HIP1: variants seen among roughly 807,000 people sequenced by gnomAD.
HIP1 encodes the protein huntingtin-interacting protein 1.
HIP1 carries 65 observed loss-of-function variants against 147.6 expected under a neutral mutation model. The ratio of observed to expected loss-of-function variants is 0.44; its 90% CI spans 0.36 to 0.54. HIP1 has a LOEUF of 0.54. Among genes scored for constraint, HIP1 ranks in the 20% least tolerant of loss-of-function variants. HIP1 has a pLI of 0.00. For missense variants in HIP1, 1,061 were observed against 1,299.6 expected, an observed-to-expected ratio of 0.82 and a Z score of 2.82; for synonymous variants, 479 against 504.0, an observed-to-expected ratio of 0.95 and a Z score of 0.67.
chr7:75,547,796 G>T lies in HIP1; in HGVS notation c.2424C>A (p.Ser808=), dbSNP rs1554491308. 6.2e-7 allele frequency: 1 copy of T among 1,613,738 alleles called. No homozygotes were observed. ...ATTTGACTCCTGTGTCTCCTGCTCG[G>T]GATTTGCTGAGCATCTCCTGTGAAA... The part of the protein sequence containing the change: ...TARIEEMLSK[S]RAGDTGVKLE... Residue 808 remains serine (S), a synonymous_variant, in exon 24 of 31, where the codon TCC becomes TCA. Transcript: ENST00000336926.
intron 1 of HIP1, among the ~76,000 whole-genome samples, chr7:75,671,110 T>G (rs1418869684): frequency 6.6e-6 from 1 of 152,166 alleles, no homozygotes; most frequent in East Asian, 1.9e-4. Flanking sequence ...TATGTTATTT[T>G]TAGATGGAGT....
At chr7:75,666,035 C>T (rs1458962155) in intron 1 of HIP1, among the ~76,000 whole-genome samples, 11 of 152,160 alleles carry the variant, frequency 7.2e-5, no homozygotes, top group Middle Eastern at 3.4e-3. Flanking sequence ...CCCACACAGA[C>T]GATATGCTTG....
chr7:75,663,963 TATATATATACACATATATGTG>T lies in HIP1; in HGVS notation c.121-64737_121-64717del, dbSNP rs1554514006. Among the ~76,000 whole-genome samples, 12 of 26,876 alleles carry T rather than the reference TATATATATACACATATATGTG, an allele frequency of 4.5e-4. 2 individuals carry two copies. The East Asian group carries it at 0.014, about 32-fold the overall frequency. The allele number at this position is 26,876 out of a possible 152,430, so 17.6% of individuals were successfully genotyped here. ...ATATATATATACACATATATGTGTA[TATATATATACACATATATGTG>T]TATATATATACACATATATGTGTAT... On this transcript the variant is annotated intron_variant, in intron 1 of 30. Coordinates refer to ENST00000336926, the MANE Select transcript of HIP1 (RefSeq NM_005338.7).
chr7:75,678,107 T>A (rs1799955336), intron 1 of HIP1, among the ~76,000 whole-genome samples: 1 of 152,172 alleles, frequency 6.6e-6, no homozygotes, highest in African/African-American at 2.4e-5. Flanking sequence ...TCTATGAGGA[T>A]GGACTCATTC....
chr7:75,576,252 G>A (rs1464590895), intron 7 of HIP1, among the ~76,000 whole-genome samples: 2 of 152,206 alleles, frequency 1.3e-5, no homozygotes, highest in African/African-American at 4.8e-5. Flanking sequence ...AGAATGCTGG[G>A]AAAAGTGCAT....
intron 7 of HIP1, among the ~76,000 whole-genome samples, chr7:75,579,889 A>AAT (rs1554498284): frequency 1.3e-5 from 2 of 152,106 alleles, no homozygotes; most frequent in African/African-American, 2.4e-5. Context: ...GTTGTCTTTC[A>AAT]GAGTTGGATG....
chr7:75,653,962 C>G (rs1443640128), intron 1 of HIP1, among the ~76,000 whole-genome samples: 1 of 152,188 alleles, frequency 6.6e-6, no homozygotes, highest in Non-Finnish European at 1.5e-5. Context: ...CACACAAGGT[C>G]TCTGCAGTCT....
intron 1 of HIP1, among the ~76,000 whole-genome samples, chr7:75,713,210 G>C (rs1027313333): frequency 1.3e-5 from 2 of 152,202 alleles, no homozygotes; most frequent in Admixed American, 6.5e-5. Flanking sequence ...GCTGTGGGCA[G>C]AAGAAACAGC....
Position 75,556,126 on chromosome 7 carries a change from T to G in HIP1, c.1727A>C (p.Glu576Ala), listed in dbSNP as rs1794995931. 3 of 1,614,016 alleles carry G rather than the reference T, an allele frequency of 1.9e-6. No individual in the cohort carries two copies. The highest frequency in any genetic ancestry group is 2.5e-6 in the Non-Finnish European group (3 of 1,180,040). Reference protein sequence around the residue: ...WAAEFAELEKERDSLVSGAAH... With the variant: ...WAAEFAELEKARDSLVSGAAH... Reference sequence around the variant, plus strand: ...TGCGCCACTCACCAGGCTGTCCCGCTCCTTCTCTAGCTCGGCGAACTCGGC... The same window carrying G: ...TGCGCCACTCACCAGGCTGTCCCGCGCCTTCTCTAGCTCGGCGAACTCGGC... Residue 576 changes from glutamate (E) to alanine (A), a missense_variant, in exon 18 of 31, where the codon GAG becomes GCG. Physicochemically the swap from Glu to Ala is moderately radical, Grantham distance 107 (BLOSUM62 -1). Around this residue, in one of 3 missense-constraint regions of HIP1, gnomAD observed 810 missense variants for 946.8 expected, o/e 0.86. Coordinates refer to ENST00000336926, the MANE Select transcript of HIP1 (RefSeq NM_005338.7).
intron 1 of HIP1, among the ~76,000 whole-genome samples, chr7:75,708,188 C>G (rs1359798023): frequency 6.6e-6 from 1 of 152,152 alleles, no homozygotes; most frequent in East Asian, 1.9e-4. Flanking sequence ...GTCCTTTGCC[C>G]ATTTCTGAAT....
At chr7:75,724,473 T>A (rs1189590990) in intron 1 of HIP1, among the ~76,000 whole-genome samples, 1 of 150,804 alleles carries the variant, frequency 6.6e-6, no homozygotes, top group Non-Finnish European at 1.5e-5. Flanking sequence ...GTCTCCAACT[T>A]CTGACCTCAG....
chr7:75,591,910 C>T (rs1346381877), intron 4 of HIP1, 146 bp downstream of exon 4: 4 of 739,754 alleles, frequency 5.4e-6, no homozygotes, highest in African/African-American at 5.2e-5. Context: ...TCTTTGGGGG[C>T]ATCCTTAGTC....
At chr7:75,583,177 C>T (rs1796122180) in intron 5 of HIP1, among the ~76,000 whole-genome samples, 1 of 152,120 alleles carries the variant, frequency 6.6e-6, no homozygotes, top group Non-Finnish European at 1.5e-5. Flanking sequence ...CATCTCTCTG[C>T]CTGCCTTTGC....
At chr7:75,562,221 T>A in intron 11 of HIP1, 51 bp from the exon 12 acceptor site, 1 of 1,192,862 alleles carries the variant, frequency 8.4e-7, no homozygotes, top group East Asian at 2.3e-5. Flanking sequence ...CAGAGAATTC[T>A]GTGTGTGGGT....
chr7:75,573,753 G>A lies in HIP1; in HGVS notation c.745+8C>T. 2 of 1,612,660 alleles carry A rather than the reference G, an allele frequency of 1.2e-6. No individual in the cohort carries two copies. The highest frequency in any genetic ancestry group is 1.7e-6 in the Non-Finnish European group (2 of 1,178,842). On this transcript the variant is annotated splice_region_variant and intron_variant, in intron 8 of 30. Coordinates refer to ENST00000336926, the MANE Select transcript of HIP1 (RefSeq NM_005338.7). ...CTCATGTAAGAAGATCTGGCCCGCG[G>A]TACTCACAGGAGTGGAGTTTGAAGA...
At chr7:75,692,497 T>G (rs890310926) in intron 1 of HIP1, among the ~76,000 whole-genome samples, 3 of 151,950 alleles carry the variant, frequency 2.0e-5, no homozygotes, top group Admixed American at 6.6e-5. Flanking sequence ...CTTGGCTTAC[T>G]GCAGCCTCTG....
chr7:75,566,656 G>A (rs782610533), intron 9 of HIP1, among the ~76,000 whole-genome samples: 3 of 151,268 alleles, frequency 2.0e-5, no homozygotes, highest in African/African-American at 2.5e-5. Context: ...AATTTGGTCC[G>A]ATGCCCAAGC....
intron 1 of HIP1, among the ~76,000 whole-genome samples, chr7:75,653,606 C>T (rs1179374362): frequency 6.6e-6 from 1 of 152,110 alleles, no homozygotes; most frequent in Non-Finnish European, 1.5e-5. Context: ...TGCTTGTAAT[C>T]CCAGCACTTC....
At chr7:75,657,765 G>C (rs1345747341) in intron 1 of HIP1, among the ~76,000 whole-genome samples, 1 of 151,870 alleles carries the variant, frequency 6.6e-6, no homozygotes, top group African/African-American at 2.4e-5. Flanking sequence ...GGGGGAGAAA[G>C]GCTGAAAAAC....
Sources: gnomAD v4.1 joint callset for allele counts (sites outside exome capture counted in the v4.1 genomes callset) on GRCh38, gnomAD v4.1.1 for gene constraint, gnomAD v4.1.1 regional missense constraint, MANE v1.5 for transcripts, NCBI Gene and HGNC (gene_info 2026-07-23, HGNC 2026-07-21) for gene names.